TMEM248: variants seen among roughly 807,000 people sequenced by gnomAD.
TMEM248 encodes the protein UPF0458 protein C7orf42.
Under a neutral mutation model 30.3 loss-of-function variants are expected in TMEM248, and 9 were observed. That is an observed-to-expected ratio of 0.30 (90% CI 0.18 to 0.52). The LOEUF (loss-of-function observed/expected upper bound fraction) is 0.52, where lower values mean the gene tolerates loss of function less well. Among genes scored for constraint, TMEM248 ranks in the 20% least tolerant of loss-of-function variants. TMEM248 has a pLI of 0.97. For missense variants in TMEM248, 338 were observed against 403.3 expected, an observed-to-expected ratio of 0.84 and a Z score of 1.39; for synonymous variants, 184 against 154.4, an observed-to-expected ratio of 1.19 and a Z score of -1.42.
In TMEM248 at chr7:66,942,127, C is replaced by T. The variant is rs990561926; in HGVS notation, c.159+103C>T. 3 of 1,251,864 alleles carry T rather than the reference C, an allele frequency of 2.4e-6. No homozygotes were observed. In the African/African-American group the frequency reaches 4.5e-5, roughly 19 times the overall value. The allele number at this position is 1,251,864 out of a possible 1,614,324, so 77.5% of individuals were successfully genotyped here. A position where few individuals can be genotyped will look rare whatever the true frequency, so the allele number is the denominator to read the frequency against. On this transcript the variant is annotated intron_variant, in intron 2 of 6. Coordinates refer to ENST00000341567, the MANE Select transcript of TMEM248 (RefSeq NM_017994.5). ...TTTCTTGGGTTTTGGCCTTTCTCTC[C>T]TAGTGAGAAAAATCAGTATTTATTC...
chr7:66,952,500 G>A (rs144446970), intron 5 of TMEM248, among the ~76,000 whole-genome samples: 49 of 152,330 alleles, frequency 3.2e-4, no homozygotes, highest in African/African-American at 1.1e-3. Context: ...TGTTTGGGGC[G>A]TGGGTGTTGG....
At chr7:66,952,406 G>A (rs774050785) in intron 5 of TMEM248, among the ~76,000 whole-genome samples, 1 of 152,198 alleles carries the variant, frequency 6.6e-6, no homozygotes, top group Non-Finnish European at 1.5e-5. Context: ...TTGTAGGCCA[G>A]GGTCCTGCAG....
At chr7:66,925,761 C>G (rs1479066267) in intron 1 of TMEM248, among the ~76,000 whole-genome samples, 1 of 150,848 alleles carries the variant, frequency 6.6e-6, no homozygotes, top group Non-Finnish European at 1.5e-5. Flanking sequence ...CCTGCCTCAG[C>G]CTCCCGAGTA....
chr7:66,953,360 TC>T lies in TMEM248; in HGVS notation c.918del (p.Glu307ArgfsTer28), dbSNP rs895249369. On this transcript the variant is annotated frameshift_variant, in exon 6 of 7. Coordinates refer to ENST00000341567, the MANE Select transcript of TMEM248 (RefSeq NM_017994.5). LOFTEE classifies it high-confidence loss of function. ...TGCGTCAGAGCAATCCTGAATTTTG[TC>T]CCGAGAAGGTGAGCGGTGGATGGGG... ...KLRQSNPEFC[P>X]EKVALAEA 6.2e-7 allele frequency: 1 copy of T among 1,613,904 alleles called. No individual in the cohort carries two copies. The highest frequency in any genetic ancestry group is 1.3e-5 in the African/African-American group (1 of 74,910).
intron 4 of TMEM248, among the ~76,000 whole-genome samples, 198 bp from the exon 5 acceptor site, chr7:66,950,754 A>G (rs1417493719): frequency 6.6e-6 from 1 of 152,176 alleles, no homozygotes; most frequent in Non-Finnish European, 1.5e-5. Flanking sequence ...TTTTTCTGTT[A>G]TATTTTTATT....
At chr7:66,935,103 T>C (rs1791768190) in intron 1 of TMEM248, among the ~76,000 whole-genome samples, 1 of 152,130 alleles carries the variant, frequency 6.6e-6, no homozygotes, top group African/African-American at 2.4e-5. Context: ...GCTCAATAAA[T>C]TGAACTCTGA....
chr7:66,930,597 T>C (rs1437124795), intron 1 of TMEM248: 1 of 152,270 alleles, frequency 6.6e-6, no homozygotes, highest in Non-Finnish European at 1.5e-5. Context: ...TGCTTCTCAC[T>C]TGTCTCTCTG....
At chr7:66,931,715 C>T (rs1025592036) in intron 1 of TMEM248, among the ~76,000 whole-genome samples, 8 of 150,292 alleles carry the variant, frequency 5.3e-5, no homozygotes, top group African/African-American at 9.8e-5. Context: ...TGGCCTCAAG[C>T]AATCCTTCCA....
intron 1 of TMEM248, among the ~76,000 whole-genome samples, chr7:66,931,626 A>T (rs1791668380): frequency 6.6e-6 from 1 of 151,358 alleles, no homozygotes; most frequent in Admixed American, 6.6e-5. Flanking sequence ...GTACACCACC[A>T]TGCTTAGCTA....
chr7:66,955,795 C>CGT lies in TMEM248; in HGVS notation c.*276_*277dup, dbSNP rs1323447457. ...GGACCTACCTGATGGGACGTTTCCA[C>CGT]GTGTCTCTAGAGAAGGATTCCTGGA... On this transcript the variant is annotated 3_prime_UTR_variant, in exon 7 of 7. Transcript: ENST00000341567. The CGT allele has an allele frequency of 6.5e-5, 29 of 444,712 alleles. No individual in the cohort carries two copies. In the Admixed American group the frequency reaches 7.4e-4, roughly 11 times the overall value. The allele number at this position is 444,712 out of a possible 1,614,324, so 27.5% of individuals were successfully genotyped here.
At chr7:66,941,511 C>T (rs1791953333) in intron 1 of TMEM248, among the ~76,000 whole-genome samples, 1 of 151,458 alleles carries the variant, frequency 6.6e-6, no homozygotes, top group African/African-American at 2.4e-5. Context: ...GCTATGATCA[C>T]GCCACTGCAC....
chr7:66,939,718 T>A (rs1024930144), intron 1 of TMEM248, among the ~76,000 whole-genome samples: 2 of 152,042 alleles, frequency 1.3e-5, no homozygotes, highest in African/African-American at 4.8e-5. Flanking sequence ...AAAATAATTG[T>A]GCTCTTGGTT....
Position 66,953,366 on chromosome 7 carries a change from G to A in TMEM248, c.921G>A (p.Glu307=), listed in dbSNP as rs149604295. The change falls in exon 6 of 7, where the codon GAG becomes GAA. Residue 307 remains glutamate (E), a synonymous_variant. Transcript: ENST00000341567. ...AGAGCAATCCTGAATTTTGTCCCGAGAAGGTGAGCGGTGGATGGGGTCCGG... is the reference window on the plus strand; with the variant it reads ...AGAGCAATCCTGAATTTTGTCCCGAAAAGGTGAGCGGTGGATGGGGTCCGG... ...LRQSNPEFCP[E]KVALAEA The A allele has an allele frequency of 3.5e-5, 57 of 1,613,862 alleles. No homozygotes were observed. The highest frequency in any genetic ancestry group is 3.6e-5 in the Non-Finnish European group (43 of 1,179,880).
chr7:66,936,539 G>T (rs1020756993), intron 1 of TMEM248, among the ~76,000 whole-genome samples: 3 of 152,042 alleles, frequency 2.0e-5, no homozygotes, highest in African/African-American at 7.2e-5. Context: ...TGTATCTTTG[G>T]TTTTGGTATC....
intron 1 of TMEM248, among the ~76,000 whole-genome samples, chr7:66,941,587 C>T (rs1278802883): frequency 6.6e-6 from 1 of 151,534 alleles, no homozygotes; most frequent in East Asian, 1.9e-4. Context: ...CACACACACA[C>T]ACACACACAC....
Position 66,957,775 on chromosome 7 carries a change from G to A in TMEM248, c.*2253G>A, listed in dbSNP as rs1470668827. Reference sequence around the variant, plus strand: ...TGACAGAGAGTGGCTGGAATCTGTAGCTAGGGGAGGGGCAACACTGTTAGA... The same window carrying A: ...TGACAGAGAGTGGCTGGAATCTGTAACTAGGGGAGGGGCAACACTGTTAGA... On this transcript the variant is annotated 3_prime_UTR_variant, in exon 7 of 7. Coordinates refer to ENST00000341567, the MANE Select transcript of TMEM248 (RefSeq NM_017994.5). 6.6e-6 allele frequency: 1 copy of A among 152,208 alleles called. No individual in the cohort carries two copies. The highest frequency in any genetic ancestry group is 1.5e-5 in the Non-Finnish European group (1 of 68,054). 9.4% of individuals were successfully genotyped at this position (152,208 alleles called of 1,614,324 possible).
chr7:66,949,478 A>C (rs1209203035), intron 4 of TMEM248, among the ~76,000 whole-genome samples: 2 of 152,146 alleles, frequency 1.3e-5, no homozygotes, highest in African/African-American at 4.8e-5. Flanking sequence ...AAAAATAAAT[A>C]AATCAAATAA....
At position 66,921,367 on chromosome 7, in the gene TMEM248, A is replaced by G. The variant is rs1791379379; in HGVS notation, c.-113A>G. On this transcript the variant is annotated 5_prime_UTR_variant, in exon 1 of 7. Coordinates refer to ENST00000341567, the MANE Select transcript of TMEM248 (RefSeq NM_017994.5). ...GGTGCCTAGCGGCCTCGGGCCCGCC[A>G]CGCGCCGCCACGAGTGAGCCCAGCG... is the stretch of plus-strand genomic sequence containing the variant. 6.7e-6 allele frequency: 1 copy of G among 149,778 alleles called. No homozygotes were observed. Among genetic ancestry groups the G allele is most frequent in the African/African-American group, 2.4e-5 (1 of 41,078 alleles). The allele number at this position is 149,778 out of a possible 1,614,324, so 9.3% of individuals were successfully genotyped here.
chr7:66,944,931 A>C (rs756740702), intron 2 of TMEM248, 45 bp from the exon 3 acceptor site: 1 of 1,602,392 alleles, frequency 6.2e-7, no homozygotes, highest in South Asian at 1.1e-5. Flanking sequence ...AGTGGGAGAC[A>C]GGCGCTGCTT....
Sources: gnomAD v4.1 joint callset for allele counts (sites outside exome capture counted in the v4.1 genomes callset) on GRCh38, gnomAD v4.1.1 for gene constraint, MANE v1.5 for transcripts, NCBI Gene and HGNC (gene_info 2026-07-23, HGNC 2026-07-21) for gene names.